The following FSTL5 variants were observed in gnomAD, a reference collection of about 807,000 sequenced individuals.
FSTL5 encodes follistatin like 5, also known as follistatin-related protein 5.
A neutral mutation model predicts 89.1 loss-of-function variants in FSTL5; 62 were observed. The observed-to-expected ratio is 0.70, with a 90% CI of 0.57 to 0.86. The LOEUF is 0.86. Among genes scored for constraint, FSTL5 ranks in the 40% least tolerant of loss-of-function variants. FSTL5 has a pLI of 0.00. For missense variants in FSTL5, 1,057 were observed against 1,001.6 expected (o/e 1.06, Z -0.75); for synonymous variants, 383 against 346.2 (o/e 1.11, Z -1.18).
intron 6 of FSTL5, among the ~76,000 whole-genome samples, chr4:161,688,208 C>A (rs558758617): frequency 1.3e-5 from 2 of 152,114 alleles, no homozygotes; most frequent in Non-Finnish European, 2.9e-5. Context: ...TCAGCCTCTG[C>A]GGTAGCTGGG....
At chr4:161,470,013 A>G (rs1204665919) in intron 13 of FSTL5, among the ~76,000 whole-genome samples, 1 of 151,906 alleles carries the variant, frequency 6.6e-6, no homozygotes, top group Non-Finnish European at 1.5e-5. Flanking sequence ...CAGATATATG[A>G]TTTGCATATA....
At chr4:161,901,187 C>CAAA (rs5863498) in intron 4 of FSTL5, among the ~76,000 whole-genome samples, 1 of 132,948 alleles carries the variant, frequency 7.5e-6, no homozygotes, top group Non-Finnish European at 1.7e-5. Context: ...AAATCTAGAC[C>CAAA]AAAAAAAAAA....
intron 3 of FSTL5, among the ~76,000 whole-genome samples, chr4:162,017,578 A>C (rs951658162): frequency 1.3e-5 from 2 of 152,200 alleles, no homozygotes; most frequent in Admixed American, 1.3e-4. Context: ...AACAATGCAG[A>C]ATATTCAACT....
intron 1 of FSTL5, among the ~76,000 whole-genome samples, chr4:162,161,456 C>G (rs1271924052): frequency 6.6e-6 from 1 of 151,290 alleles, no homozygotes; most frequent in African/African-American, 2.4e-5. Flanking sequence ...GTAGAAAAAT[C>G]AGAAAAAAAA....
chr4:161,794,458 C>A (rs1244955291), intron 4 of FSTL5, among the ~76,000 whole-genome samples: 1 of 152,100 alleles, frequency 6.6e-6, no homozygotes, highest in Non-Finnish European at 1.5e-5. Flanking sequence ...ATTGTTTGTG[C>A]ATATTAAGGT....
intron 2 of FSTL5, among the ~76,000 whole-genome samples, chr4:162,069,052 T>C (rs1561002088): frequency 6.6e-6 from 1 of 152,058 alleles, no homozygotes; most frequent in African/African-American, 2.4e-5. Context: ...CAACAGATGC[T>C]GGTGATGCTG....
intron 3 of FSTL5, among the ~76,000 whole-genome samples, chr4:162,028,219 A>G (rs974720269): frequency 3.3e-5 from 5 of 152,186 alleles, no homozygotes; most frequent in East Asian, 3.8e-4. Context: ...TAAATCTTAC[A>G]AACAATGATT....
chr4:161,886,993 C>G (rs1041792774), intron 4 of FSTL5, among the ~76,000 whole-genome samples: 1 of 152,086 alleles, frequency 6.6e-6, no homozygotes, highest in East Asian at 1.9e-4. Flanking sequence ...TTTAAAATAG[C>G]TACATTTATG....
At chr4:161,500,665 C>T (rs956117373) in intron 11 of FSTL5, among the ~76,000 whole-genome samples, 3 of 152,056 alleles carry the variant, frequency 2.0e-5, no homozygotes, top group East Asian at 3.9e-4. Context: ...AAATAGAGGT[C>T]TTACATATTA....
chr4:162,120,996 G>T (rs1031719321), intron 1 of FSTL5, among the ~76,000 whole-genome samples: 1 of 151,834 alleles, frequency 6.6e-6, no homozygotes, highest in African/African-American at 2.4e-5. Context: ...TTCTCACAAT[G>T]ATGTTCACTG....
intron 4 of FSTL5, among the ~76,000 whole-genome samples, chr4:161,779,706 T>G (rs1741549100): frequency 6.9e-6 from 1 of 145,902 alleles, no homozygotes; most frequent in Admixed American, 7.0e-5. Context: ...ATTTAATAGC[T>G]AAAATTAAAT....
intron 6 of FSTL5, among the ~76,000 whole-genome samples, chr4:161,718,547 G>A (rs554433660): frequency 7.2e-5 from 11 of 152,040 alleles, no homozygotes; most frequent in Admixed American, 7.2e-4. Flanking sequence ...TCCTGCCTCA[G>A]CCTCCCAAGT....
At chr4:161,666,688 C>G (rs866072746) in intron 6 of FSTL5, among the ~76,000 whole-genome samples, 1 of 151,976 alleles carries the variant, frequency 6.6e-6, no homozygotes, top group African/African-American at 2.4e-5. Flanking sequence ...GGGGAGAGAA[C>G]AGTATGATAA....
chr4:161,861,646 GT>G (rs1461093081), intron 4 of FSTL5, among the ~76,000 whole-genome samples: 1 of 152,098 alleles, frequency 6.6e-6, no homozygotes, highest in Non-Finnish European at 1.5e-5. Context: ...TTTTTGATAG[GT>G]AGAGGCTGAC....
At chr4:162,142,110 A>G (rs1024514267) in intron 1 of FSTL5, among the ~76,000 whole-genome samples, 1 of 152,104 alleles carries the variant, frequency 6.6e-6, no homozygotes, top group African/African-American at 2.4e-5. Context: ...ACAATAAATA[A>G]TTACCCACCC....
chr4:161,556,792 C>A (rs73859588), intron 8 of FSTL5, among the ~76,000 whole-genome samples: 1,755 of 148,500 alleles, frequency 0.012, 22 homozygotes, highest in African/African-American at 0.04. Context: ...TTTATACAAA[C>A]TTAGTTCGTA....
chr4:161,641,629 A>C (rs1244366082), intron 7 of FSTL5, among the ~76,000 whole-genome samples: 3 of 151,722 alleles, frequency 2.0e-5, no homozygotes, highest in African/African-American at 7.3e-5. Flanking sequence ...GTAGCTGGGA[A>C]TACAGGCATA....
intron 8 of FSTL5, among the ~76,000 whole-genome samples, chr4:161,579,338 C>G (rs115152711): frequency 0.012 from 1,881 of 151,984 alleles, 50 homozygotes; most frequent in African/African-American, 0.044. Context: ...AAAGATATAA[C>G]TAATAAGTCA....
intron 6 of FSTL5, among the ~76,000 whole-genome samples, chr4:161,732,287 A>G (rs1298701754): frequency 6.6e-6 from 1 of 152,072 alleles, no homozygotes; most frequent in Non-Finnish European, 1.5e-5. Context: ...CACATTTTTT[A>G]TGAATAGCTT....
Sources: gnomAD v4.1 joint callset for allele counts (sites outside exome capture counted in the v4.1 genomes callset) on GRCh38, gnomAD v4.1.1 for gene constraint, MANE v1.5 for transcripts, NCBI Gene and HGNC (gene_info 2026-07-23, HGNC 2026-07-21) for gene names.